GLIS2: variants seen among roughly 807,000 people sequenced by gnomAD.
GLIS2 encodes the protein zinc finger protein GLIS2.
Under a neutral mutation model 35.6 loss-of-function variants are expected in GLIS2, and 14 were observed. The ratio of observed to expected loss-of-function variants is 0.39; its 90% CI spans 0.26 to 0.61. The LOEUF (loss-of-function observed/expected upper bound fraction) is 0.61, where lower values mean the gene tolerates loss of function less well. Ranked by LOEUF, GLIS2 falls within the 20% of genes least tolerant of loss-of-function variation. The probability of loss-of-function intolerance (pLI) is 0.48; values close to 1 mark genes in which losing one functional copy is unlikely to be tolerated. For synonymous variants in GLIS2, 368 were observed against 325.1 expected (o/e 1.13, Z -1.42); for missense variants, 675 against 713.4 (o/e 0.95, Z 0.61).
intron 1 of GLIS2, chr16:4,325,363 T>G (rs746021216): frequency 2.0e-5 from 3 of 152,190 alleles, no homozygotes; most frequent in Non-Finnish European, 4.4e-5. Context: ...ATCTGTAAAA[T>G]GGGGATGAAA....
rs1183513375 is a variant in GLIS2 at position 4,332,189 on chromosome 16, A to G, written c.-66-26A>G. 1 of 1,482,070 alleles carries G rather than the reference A, an allele frequency of 6.7e-7. No individual in the cohort carries two copies. 91.8% of individuals were successfully genotyped at this position (1,482,070 alleles called of 1,614,324 possible). ...AGGAGAAGCCTGGGGTCTCAGTGCC[A>G]CAGCACAGCTCCTGTCCTTCCCCAG... On this transcript the variant is annotated intron_variant, in intron 1 of 6. Coordinates refer to ENST00000433375, the MANE Select transcript of GLIS2 (RefSeq NM_032575.3). This position sits in a 1 kb window ranked among gnomAD's most constrained non-coding sequence, Gnocchi z 5.4.
chr16:4,319,353 G>A (rs561832894), intron 1 of GLIS2, among the ~76,000 whole-genome samples: 13 of 152,148 alleles, frequency 8.5e-5, no homozygotes, highest in Non-Finnish European at 1.3e-4. Context: ...AGCAGTAAGA[G>A]ACCCTCTCCC....
rs2053541433 is a variant in GLIS2 at position 4,335,509 on chromosome 16, GGTT to G, written c.775+118_775+120del. 19 of 928,400 alleles carry G rather than the reference GGTT, an allele frequency of 2.0e-5. No homozygotes were observed. The highest frequency in any genetic ancestry group is 1.2e-4 in the Admixed American group (6 of 50,540). 57.5% of individuals were successfully genotyped at this position (928,400 alleles called of 1,614,324 possible). A position where few individuals can be genotyped will look rare whatever the true frequency, so the allele number is the denominator to read the frequency against. On this transcript the variant is annotated intron_variant, in intron 6 of 6. Transcript: ENST00000433375. This position sits in a 1 kb window ranked among gnomAD's most constrained non-coding sequence, Gnocchi z 4.6. ...GTAAATCCCGGGCCTCAGAGATAAGGGTTGATGTCATCGCCCAGGGGTCCCTTT... is the reference window on the plus strand; with the variant it reads ...GTAAATCCCGGGCCTCAGAGATAAGGGATGTCATCGCCCAGGGGTCCCTTT...
chr16:4,323,309 G>A (rs983185678), intron 1 of GLIS2, among the ~76,000 whole-genome samples: 1 of 152,232 alleles, frequency 6.6e-6, no homozygotes, highest in Admixed American at 6.5e-5. Context: ...CAGCCCGGGT[G>A]GGTGGGCAGG....
chr16:4,325,863 G>A (rs774706920), intron 1 of GLIS2, among the ~76,000 whole-genome samples: 3 of 149,748 alleles, frequency 2.0e-5, no homozygotes, highest in Non-Finnish European at 3.0e-5. Context: ...CTTGAGCCTC[G>A]GCGGCAGTTA....
intron 1 of GLIS2, among the ~76,000 whole-genome samples, chr16:4,322,091 G>A (rs1387403533): frequency 6.6e-6 from 1 of 151,900 alleles, no homozygotes; most frequent in Non-Finnish European, 1.5e-5. Context: ...AGAACAGGGG[G>A]GCATGGATGG....
In GLIS2 at chr16:4,332,486, C is replaced by T; in HGVS notation, c.172+34C>T. ...CCTGGGCAGGGCAGGGGGACTTAGC[C>T]CTGATCCAGTCATGGTGACAGGGAG... On this transcript the variant is annotated intron_variant, in intron 2 of 6. Transcript: ENST00000433375. The surrounding 1 kb of genome is among the most constrained non-coding windows in gnomAD (Gnocchi z 5.4). 1 of 1,603,902 alleles carries T rather than the reference C, an allele frequency of 6.2e-7. No homozygotes were observed. Among genetic ancestry groups the T allele is most frequent in the Non-Finnish European group, 8.5e-7 (1 of 1,178,162 alleles).
upstream of GLIS2, chr16:4,315,575 C>G (rs1241006763): frequency 6.6e-6 from 1 of 151,632 alleles, no homozygotes; most frequent in Non-Finnish European, 1.5e-5. Flanking sequence ...CCTCGGGCTT[C>G]CCCGAGGGCG....
chr16:4,327,333 C>T (rs1262795349), intron 1 of GLIS2, among the ~76,000 whole-genome samples: 2 of 152,222 alleles, frequency 1.3e-5, no homozygotes, highest in African/African-American at 4.8e-5. Context: ...GTCATTGAAT[C>T]CATGGACAGA....
At chr16:4,333,255 T>G in intron 2 of GLIS2, 92 bp from the exon 3 acceptor site, 2 of 1,444,966 alleles carry the variant, frequency 1.4e-6, no homozygotes, top group South Asian at 1.2e-5. Flanking sequence ...TGGTGTCTGC[T>G]CCCAAGGTCA....
Position 4,335,410 on chromosome 16 carries a change from G to T in GLIS2, c.775+17G>T, listed in dbSNP as rs563306937. The T allele has an allele frequency of 1.9e-6, 3 of 1,611,744 alleles. No homozygotes were observed. Among genetic ancestry groups the T allele is most frequent in the Admixed American group, 3.3e-5 (2 of 59,994 alleles). On this transcript the variant is annotated intron_variant, in intron 6 of 6. Coordinates refer to ENST00000433375, the MANE Select transcript of GLIS2 (RefSeq NM_032575.3). This position sits in a 1 kb window ranked among gnomAD's most constrained non-coding sequence, Gnocchi z 4.6. ...CGCACACAGGTAAGAGGCCGGGGCC[G>T]GGCGGCTTGGCCCATGAAGGGGGCG...
At chr16:4,318,298 A>G (rs1597330644) in intron 1 of GLIS2, among the ~76,000 whole-genome samples, 1 of 152,048 alleles carries the variant, frequency 6.6e-6, no homozygotes, top group Admixed American at 6.5e-5. Flanking sequence ...GGCCTTGTCT[A>G]TGAAACCAAG....
chr16:4,334,486 C>A (rs1042054712), intron 3 of GLIS2, among the ~76,000 whole-genome samples: 1 of 151,288 alleles, frequency 6.6e-6, no homozygotes, highest in East Asian at 1.9e-4. Flanking sequence ...GATCCGCCCA[C>A]CTCAGCCTCC....
intron 1 of GLIS2, among the ~76,000 whole-genome samples, chr16:4,329,838 T>A (rs1290105286): frequency 6.6e-6 from 1 of 152,248 alleles, no homozygotes; most frequent in African/African-American, 2.4e-5. Flanking sequence ...CAAGTTGTAA[T>A]AATCCCAATG....
chr16:4,320,597 G>A lies in GLIS2; in HGVS notation c.-67+4343G>A, dbSNP rs981628584. The stretch of plus-strand genomic sequence containing the variant: ...CCCACGTCCACTGCAAGGGCATGAC[G>A]GGGGCCAACGTGTCTGGAAGAAGCC... On this transcript the variant is annotated intron_variant, in intron 1 of 6. Coordinates refer to ENST00000433375, the MANE Select transcript of GLIS2 (RefSeq NM_032575.3). This position sits in a 1 kb window ranked among gnomAD's most constrained non-coding sequence, Gnocchi z 5.6. Among the ~76,000 whole-genome samples the A allele has an allele frequency of 1.3e-5, 2 of 152,040 alleles. No homozygotes were observed. Among genetic ancestry groups the A allele is most frequent in the Non-Finnish European group, 2.9e-5 (2 of 68,012 alleles).
intron 1 of GLIS2, among the ~76,000 whole-genome samples, chr16:4,324,270 G>A (rs1257553484): frequency 1.3e-5 from 2 of 152,142 alleles, no homozygotes; most frequent in Admixed American, 6.5e-5. Context: ...GCCTGCCCTG[G>A]CCCCTCTCCT....
rs2053363659 is a variant in GLIS2 at position 4,320,188 on chromosome 16, G to C, written c.-67+3934G>C. Among the ~76,000 whole-genome samples the C allele has an allele frequency of 6.6e-6, 1 of 152,148 alleles. No homozygotes were observed. Among genetic ancestry groups the C allele is most frequent in the African/African-American group, 2.4e-5 (1 of 41,440 alleles). On this transcript the variant is annotated intron_variant, in intron 1 of 6. Transcript: ENST00000433375. This position sits in a 1 kb window ranked among gnomAD's most constrained non-coding sequence, Gnocchi z 5.6. ...CTCCAGCCTTGGCAGATGGCTGCCG[G>C]GGAAGGGACGGAGACCCAGCCCTGG...
At position 4,338,138 on chromosome 16, in the gene GLIS2, G is replaced by A. The variant is rs653539; in HGVS notation, c.*614G>A. 17,129 of 159,972 alleles carry A rather than the reference G, an allele frequency of 0.11. 1,117 individuals carry two copies. Among genetic ancestry groups the A allele is most frequent in the South Asian group, 0.26 (1,378 of 5,314 alleles). 9.9% of individuals were successfully genotyped at this position (159,972 alleles called of 1,614,324 possible). A position where few individuals can be genotyped will look rare whatever the true frequency, so the allele number is the denominator to read the frequency against. The stretch of plus-strand genomic sequence containing the variant: ...CAAGGCGCCTCCCACTAGTTAGGAG[G>A]AGGCCCGCTCTGCAGCCGCCGTCCT... On this transcript the variant is annotated 3_prime_UTR_variant, in exon 7 of 7. Transcript: ENST00000433375.
rs2053512918 is a variant in GLIS2 at position 4,332,908 on chromosome 16, TTC to T, written c.173-438_173-437del. Among the ~76,000 whole-genome samples the T allele has an allele frequency of 1.3e-5, 2 of 152,082 alleles. No homozygotes were observed. The highest frequency in any genetic ancestry group is 2.9e-5 in the Non-Finnish European group (2 of 68,008). ...AGAGCAGAGTCACCCGAAAACCAGA[TTC>T]ACCGCTTGTCTGAAGGGGAAGGCTA... On this transcript the variant is annotated intron_variant, in intron 2 of 6. Coordinates refer to ENST00000433375, the MANE Select transcript of GLIS2 (RefSeq NM_032575.3). The surrounding 1 kb of genome is among the most constrained non-coding windows in gnomAD (Gnocchi z 5.4).
Sources: allele counts gnomAD v4.1 joint callset (sites outside exome capture counted in the v4.1 genomes callset), GRCh38; gene constraint gnomAD v4.1.1; non-coding constraint Gnocchi (gnomAD v3.1); transcripts MANE v1.5; gene names NCBI Gene and HGNC (gene_info 2026-07-23, HGNC 2026-07-21).